Variants in NFYC observed in about 807,000 individuals in gnomAD.
NFYC encodes CAAT box DNA-binding protein subunit C.
NFYC carries 25 observed loss-of-function variants against 53.1 expected under a neutral mutation model. The observed-to-expected ratio is 0.47, with a 90% CI of 0.34 to 0.66. NFYC has a LOEUF of 0.66. NFYC is among the 30% of genes least tolerant of loss of function. The probability of loss-of-function intolerance (pLI) is 0.01; values close to 1 mark genes in which losing one functional copy is unlikely to be tolerated. For synonymous variants in NFYC, 145 were observed against 152.6 expected (o/e 0.95, Z 0.37); for missense variants, 260 against 422.7 (o/e 0.62, Z 3.38).
chr1:40,714,896 T>C (rs921931635), intron 1 of NFYC, among the ~76,000 whole-genome samples: 50 of 151,094 alleles, frequency 3.3e-4, no homozygotes, highest in African/African-American at 1.1e-3. Context: ...CTGGCTAACA[T>C]GGTTAAACCT....
At chr1:40,729,536 A>G (rs114007173) in intron 1 of NFYC, among the ~76,000 whole-genome samples, 119 of 152,262 alleles carry the variant, frequency 7.8e-4, no homozygotes, top group African/African-American at 2.5e-3. Context: ...AACTTTCTTC[A>G]TATCAGCAAT....
At chr1:40,732,770 C>G (rs1165270075) in intron 1 of NFYC, among the ~76,000 whole-genome samples, 1 of 152,214 alleles carries the variant, frequency 6.6e-6, no homozygotes, top group African/African-American at 2.4e-5. Flanking sequence ...TTCCAGCCTT[C>G]AAGTCTGCCT....
intron 1 of NFYC, chr1:40,730,632 A>G (rs909360417): frequency 2.0e-6 from 2 of 982,610 alleles, no homozygotes; most frequent in Middle Eastern, 5.2e-4. Flanking sequence ...ATAGAGAGAT[A>G]CTTGTTGACA....
chr1:40,755,790 GT>G (rs1244980448), intron 5 of NFYC, among the ~76,000 whole-genome samples: 1 of 152,202 alleles, frequency 6.6e-6, no homozygotes, highest in Non-Finnish European at 1.5e-5. Context: ...TTCATAAACA[GT>G]TTAAGAGGAT....
chr1:40,757,758 A>G (rs1017079360), intron 5 of NFYC, among the ~76,000 whole-genome samples: 1 of 152,220 alleles, frequency 6.6e-6, no homozygotes, highest in South Asian at 2.1e-4. Flanking sequence ...TCTTCCCAAC[A>G]CTTGCAATTA....
At chr1:40,762,346 T>A (rs567747773) in intron 6 of NFYC, among the ~76,000 whole-genome samples, 3 of 152,214 alleles carry the variant, frequency 2.0e-5, no homozygotes, top group Non-Finnish European at 2.9e-5. Flanking sequence ...GCTCTGCAGC[T>A]TGAATGGGGT....
chr1:40,708,237 C>G lies in NFYC; in HGVS notation c.-9+16370C>G, dbSNP rs1002651671. Among the ~76,000 whole-genome samples, 3 of 152,148 alleles carry G rather than the reference C, an allele frequency of 2.0e-5. No homozygotes were observed. In the East Asian group the frequency reaches 5.8e-4, roughly 29 times the overall value. On this transcript the variant is annotated intron_variant, in intron 1 of 9. Coordinates refer to ENST00000447388, the MANE Select transcript of NFYC (RefSeq NM_014223.5). ...GCTGCAGTGGGAAGATTGCTTGAGC[C>G]CAGGAGTTTGAGGCTGTTGTGCCCT...
At chr1:40,761,244 C>T (rs777319494) in intron 6 of NFYC, among the ~76,000 whole-genome samples, 7 of 152,216 alleles carry the variant, frequency 4.6e-5, no homozygotes, top group African/African-American at 7.2e-5. Context: ...CCAACCCAGA[C>T]GTGCTCAGCT....
chr1:40,725,130 T>C (rs1002822770), intron 1 of NFYC, among the ~76,000 whole-genome samples: 3 of 152,242 alleles, frequency 2.0e-5, no homozygotes, highest in African/African-American at 7.2e-5. Flanking sequence ...TAATAAGGTT[T>C]CAGGCACTAA....
intron 1 of NFYC, among the ~76,000 whole-genome samples, chr1:40,696,452 T>C (rs1643151172): frequency 6.6e-6 from 1 of 152,264 alleles, no homozygotes; most frequent in South Asian, 2.1e-4. Context: ...ACTTCAGTTC[T>C]TTCAGGCGTG....
intron 1 of NFYC, among the ~76,000 whole-genome samples, chr1:40,732,301 A>C (rs1225781005): frequency 1.3e-5 from 2 of 152,242 alleles, no homozygotes; most frequent in Non-Finnish European, 2.9e-5. Flanking sequence ...GTCATATTGC[A>C]ATAAAACCTT....
intron 1 of NFYC, 194 bp downstream of exon 1, chr1:40,692,061 C>T (rs947090899): frequency 1.9e-5 from 4 of 205,248 alleles, no homozygotes; most frequent in Non-Finnish European, 4.2e-5. Flanking sequence ...CTCGTGGGGT[C>T]CGTGTGCCTC....
chr1:40,760,730 A>G (rs538949494), intron 6 of NFYC, among the ~76,000 whole-genome samples: 30 of 151,944 alleles, frequency 2.0e-4, no homozygotes, highest in African/African-American at 7.0e-4. Context: ...AAAAAAAAAA[A>G]GGTAATTATG....
At chr1:40,716,798 T>C (rs1644152515) in intron 1 of NFYC, among the ~76,000 whole-genome samples, 1 of 152,144 alleles carries the variant, frequency 6.6e-6, no homozygotes, top group South Asian at 2.1e-4. Flanking sequence ...ATAGTGGTAG[T>C]ATGAAGAAAG....
intron 3 of NFYC, among the ~76,000 whole-genome samples, chr1:40,748,399 A>G (rs539924062): frequency 2.6e-5 from 4 of 152,266 alleles, no homozygotes; most frequent in African/African-American, 7.2e-5. Context: ...TCAGCCTCCC[A>G]AAGTGCTAGG....
At chr1:40,758,456 G>A in intron 6 of NFYC, 162 bp downstream of exon 6, 1 of 744,802 alleles carries the variant, frequency 1.3e-6, no homozygotes, top group South Asian at 2.0e-5. Context: ...ACTGGGGTGA[G>A]ATGTTACCCT....
chr1:40,763,992 G>A (rs1646694276), intron 7 of NFYC, among the ~76,000 whole-genome samples: 1 of 152,210 alleles, frequency 6.6e-6, no homozygotes. Context: ...TGTATTTTTG[G>A]CTTTCATATA....
At chr1:40,728,354 T>C (rs1570468448) in intron 1 of NFYC, among the ~76,000 whole-genome samples, 2 of 152,102 alleles carry the variant, frequency 1.3e-5, no homozygotes, top group African/African-American at 4.8e-5. Context: ...CCCAACACTT[T>C]GGGAGGCTGA....
At chr1:40,728,000 G>A (rs1023788052) in intron 1 of NFYC, among the ~76,000 whole-genome samples, 1 of 152,086 alleles carries the variant, frequency 6.6e-6, no homozygotes, top group Non-Finnish European at 1.5e-5. Flanking sequence ...GTGCAGTGGT[G>A]TGATCTCGGA....
Sources: allele counts gnomAD v4.1 joint callset (sites outside exome capture counted in the v4.1 genomes callset), GRCh38; gene constraint gnomAD v4.1.1; transcripts MANE v1.5; gene names NCBI Gene and HGNC (gene_info 2026-07-23, HGNC 2026-07-21).